TMEM178B: variants seen among roughly 807,000 people sequenced by gnomAD.
The protein encoded by TMEM178B is transmembrane protein 178B.
In TMEM178B, 5 loss-of-function variants were observed where a neutral mutation model predicts 31.0. The ratio of observed to expected loss-of-function variants is 0.16; its 90% confidence interval spans 0.08 to 0.34. The LOEUF (loss-of-function observed/expected upper bound fraction) is 0.34, where lower values mean the gene tolerates loss of function less well. Ranked by LOEUF, TMEM178B falls within the 10% of genes least tolerant of loss-of-function variation. TMEM178B has a pLI of 1.00. For missense variants in TMEM178B, 275 were observed against 400.3 expected, an observed-to-expected ratio of 0.69 and a Z score of 2.67; for synonymous variants, 164 against 164.0, an observed-to-expected ratio of 1.00 and a Z score of 0.00.
intron 3 of TMEM178B, among the ~76,000 whole-genome samples, chr7:141,469,364 GA>G (rs1338041868): frequency 6.6e-6 from 1 of 152,182 alleles, no homozygotes; most frequent in Non-Finnish European, 1.5e-5. Context: ...ACGAGCTGGT[GA>G]GCCTCATTCT....
At chr7:141,260,596 A>G (rs1414133256) in intron 2 of TMEM178B, among the ~76,000 whole-genome samples, 1 of 152,192 alleles carries the variant, frequency 6.6e-6, no homozygotes, top group Non-Finnish European at 1.5e-5. Context: ...TGGTCAAGTA[A>G]TCTTATTTAT....
chr7:141,282,717 G>T (rs191188421), intron 2 of TMEM178B, among the ~76,000 whole-genome samples: 1 of 152,300 alleles, frequency 6.6e-6, no homozygotes, highest in Admixed American at 6.5e-5. Context: ...AAACATACTT[G>T]TGAATGTAAA....
intron 3 of TMEM178B, among the ~76,000 whole-genome samples, chr7:141,447,425 T>C (rs1299444098): frequency 1.3e-5 from 2 of 151,662 alleles, no homozygotes; most frequent in African/African-American, 2.4e-5. Flanking sequence ...CTGAAGAAGT[T>C]GAGTGAGAGG....
chr7:141,323,329 A>G (rs571669514), intron 2 of TMEM178B, among the ~76,000 whole-genome samples: 2 of 152,370 alleles, frequency 1.3e-5, no homozygotes, highest in South Asian at 4.1e-4. Context: ...ATACATGTAC[A>G]TACAAATGGA....
At chr7:141,444,801 C>T (rs1801723128) in intron 3 of TMEM178B, among the ~76,000 whole-genome samples, 1 of 151,938 alleles carries the variant, frequency 6.6e-6, no homozygotes, top group African/African-American at 2.4e-5. Flanking sequence ...TTTGGCACCC[C>T]GTGTTGAAGA....
At chr7:141,133,147 G>T (rs867915365) in intron 1 of TMEM178B, among the ~76,000 whole-genome samples, 1 of 152,026 alleles carries the variant, frequency 6.6e-6, no homozygotes, top group South Asian at 2.1e-4. Flanking sequence ...AGATGTGCAG[G>T]TATTAATGTA....
intron 1 of TMEM178B, among the ~76,000 whole-genome samples, chr7:141,136,932 G>C (rs948570891): frequency 2.0e-5 from 3 of 152,092 alleles, no homozygotes; most frequent in Non-Finnish European, 4.4e-5. Context: ...TAAATAAATG[G>C]TCAACAGGTA....
At position 141,083,503 on chromosome 7, in the gene TMEM178B, GAGACAGACAGAC is replaced by G. The variant is rs56305234; in HGVS notation, c.382+8827_382+8838del. On this transcript the variant is annotated intron_variant, in intron 1 of 3. Coordinates refer to ENST00000565468, the MANE Select transcript of TMEM178B (RefSeq NM_001195278.2). Reference sequence around the variant, plus strand: ...AGAGGAAGGGAGGGAGAGAGAGAGAGAGACAGACAGACAGACAGACAGACAGATGTGAGAGAC... The same window carrying G: ...AGAGGAAGGGAGGGAGAGAGAGAGAGAGACAGACAGACAGATGTGAGAGAC... Among the ~76,000 whole-genome samples the G allele has an allele frequency of 2.8e-4, 41 of 148,504 alleles. 1 individual carries two copies. The highest frequency in any genetic ancestry group is 9.9e-4 in the African/African-American group (40 of 40,416).
At chr7:141,148,726 C>T (rs991495567) in intron 1 of TMEM178B, among the ~76,000 whole-genome samples, 1 of 152,184 alleles carries the variant, frequency 6.6e-6, no homozygotes, top group Non-Finnish European at 1.5e-5. Context: ...ACAGTCCCTG[C>T]TCATATCCTA....
chr7:141,294,937 C>A (rs529332534), intron 2 of TMEM178B, among the ~76,000 whole-genome samples: 5 of 152,274 alleles, frequency 3.3e-5, no homozygotes, highest in Admixed American at 3.3e-4. Context: ...CAAACATGGG[C>A]CCTTTTCAAT....
At chr7:141,212,526 C>A in intron 1 of TMEM178B, 65 bp from the exon 2 acceptor site, 1 of 1,365,888 alleles carries the variant, frequency 7.3e-7, no homozygotes, top group Non-Finnish European at 1.0e-6. Flanking sequence ...AAAAATTAAT[C>A]CCAGAACTAG....
intron 1 of TMEM178B, among the ~76,000 whole-genome samples, chr7:141,187,941 G>A (rs1395416683): frequency 6.6e-6 from 1 of 151,948 alleles, no homozygotes; most frequent in Non-Finnish European, 1.5e-5. Context: ...AAGCTCTTTA[G>A]TTTAATTAGA....
intron 2 of TMEM178B, among the ~76,000 whole-genome samples, chr7:141,388,565 C>T (rs142330803): frequency 8.9e-4 from 136 of 152,238 alleles, no homozygotes; most frequent in African/African-American, 2.1e-3. Flanking sequence ...CATTCCTGCC[C>T]GTCAGAAGAC....
chr7:141,450,533 T>C (rs979976199), intron 3 of TMEM178B, among the ~76,000 whole-genome samples: 16 of 152,228 alleles, frequency 1.1e-4, no homozygotes, highest in Admixed American at 7.8e-4. Flanking sequence ...AAAGAGGACA[T>C]TGCCAATCCA....
intron 2 of TMEM178B, among the ~76,000 whole-genome samples, chr7:141,415,760 G>A (rs1021838878): frequency 6.6e-6 from 1 of 152,204 alleles, no homozygotes; most frequent in Non-Finnish European, 1.5e-5. Context: ...TGATAGTGAA[G>A]ATGAGAAACT....
intron 1 of TMEM178B, among the ~76,000 whole-genome samples, chr7:141,142,703 G>A (rs1031023585): frequency 1.3e-5 from 2 of 152,112 alleles, no homozygotes; most frequent in African/African-American, 2.4e-5. Flanking sequence ...CACCACCCCC[G>A]GCCGAACAAT....
chr7:141,131,577 CTT>C (rs1453665933), intron 1 of TMEM178B, among the ~76,000 whole-genome samples: 2 of 152,188 alleles, frequency 1.3e-5, no homozygotes, highest in East Asian at 3.8e-4. Flanking sequence ...ACTACATGCT[CTT>C]TGTCTACCTG....
chr7:141,298,217 T>G (rs1165863515), intron 2 of TMEM178B, among the ~76,000 whole-genome samples: 1 of 152,248 alleles, frequency 6.6e-6, no homozygotes, highest in African/African-American at 2.4e-5. Context: ...TGATTTTTTC[T>G]TGTAAATTTG....
intron 2 of TMEM178B, among the ~76,000 whole-genome samples, chr7:141,427,087 C>G (rs1801332326): frequency 6.6e-6 from 1 of 152,146 alleles, no homozygotes; most frequent in East Asian, 1.9e-4. Context: ...GAAAGATATT[C>G]CATGTTCATG....
Sources: gnomAD v4.1 joint callset for allele counts (sites outside exome capture counted in the v4.1 genomes callset) on GRCh38, gnomAD v4.1.1 for gene constraint, MANE v1.5 for transcripts, NCBI Gene and HGNC (gene_info 2026-07-23, HGNC 2026-07-21) for gene names.